IGF1R: variants seen among roughly 807,000 people sequenced by gnomAD.
IGF1R encodes insulin like growth factor 1 receptor, also known as insulin-like growth factor 1 receptor.
IGF1R carries 44 observed loss-of-function variants against 144.6 expected under a neutral mutation model. The ratio of observed to expected loss-of-function variants is 0.30; its 90% CI spans 0.24 to 0.39. The LOEUF (loss-of-function observed/expected upper bound fraction) is 0.39. Among genes scored for constraint, IGF1R ranks in the 10% least tolerant of loss-of-function variants. The probability of loss-of-function intolerance (pLI) is 1.00; values close to 1 mark genes in which losing one functional copy is unlikely to be tolerated. For synonymous variants in IGF1R, 795 were observed against 722.8 expected, an observed-to-expected ratio of 1.10 and a Z score of -1.60; for missense variants, 1,355 against 1,833.7, an observed-to-expected ratio of 0.74 and a Z score of 4.77.
intron 17 of IGF1R, among the ~76,000 whole-genome samples, chr15:98,938,003 G>A (rs1177434352): frequency 1.3e-5 from 2 of 152,198 alleles, no homozygotes; most frequent in African/African-American, 4.8e-5. Context: ...AGCCTGTTCA[G>A]AATTCAAAGG....
chr15:98,885,334 G>T (rs1453835839), intron 2 of IGF1R, among the ~76,000 whole-genome samples: 1 of 152,206 alleles, frequency 6.6e-6, no homozygotes, highest in Non-Finnish European at 1.5e-5. Context: ...GTGGACTTCT[G>T]TTCGGCCTGG....
chr15:98,819,333 C>G (rs994735464), intron 2 of IGF1R, among the ~76,000 whole-genome samples: 1 of 152,110 alleles, frequency 6.6e-6, no homozygotes, highest in Non-Finnish European at 1.5e-5. Flanking sequence ...TTATGTTGCC[C>G]CAGTAATCTA....
chr15:98,851,624 T>TG (rs2011532534), intron 2 of IGF1R, among the ~76,000 whole-genome samples: 1 of 152,136 alleles, frequency 6.6e-6, no homozygotes, highest in South Asian at 2.1e-4. Flanking sequence ...CTGCCCAATT[T>TG]GGGGAAGCAG....
At chr15:98,797,603 G>A (rs924560789) in intron 2 of IGF1R, among the ~76,000 whole-genome samples, 5 of 152,200 alleles carry the variant, frequency 3.3e-5, no homozygotes, top group African/African-American at 1.2e-4. Flanking sequence ...CACCTGCAGG[G>A]TATGTGTCAT....
At chr15:98,712,277 C>T (rs1047424424) in intron 2 of IGF1R, among the ~76,000 whole-genome samples, 2 of 152,176 alleles carry the variant, frequency 1.3e-5, no homozygotes, top group Non-Finnish European at 2.9e-5. Context: ...CCCTTTTGAA[C>T]CCAGGACTTG....
intron 2 of IGF1R, among the ~76,000 whole-genome samples, chr15:98,766,706 G>C (rs1376472757): frequency 6.6e-6 from 1 of 152,184 alleles, no homozygotes; most frequent in Non-Finnish European, 1.5e-5. Context: ...AGTTGATGCG[G>C]TAGTTGTGAG....
At chr15:98,946,296 C>T (rs557098060) in intron 19 of IGF1R, among the ~76,000 whole-genome samples, 4 of 152,042 alleles carry the variant, frequency 2.6e-5, no homozygotes, top group East Asian at 1.9e-4. Flanking sequence ...GAGGTTTCCT[C>T]GTGGGACTTA....
intron 1 of IGF1R, among the ~76,000 whole-genome samples, chr15:98,695,382 A>T (rs950446751): frequency 6.6e-6 from 1 of 152,142 alleles, no homozygotes; most frequent in African/African-American, 2.4e-5. Context: ...AGCATGCACG[A>T]TGTGTGTGAG....
chr15:98,932,357 C>T (rs1312278607), intron 15 of IGF1R, among the ~76,000 whole-genome samples: 1 of 152,200 alleles, frequency 6.6e-6, no homozygotes, highest in East Asian at 1.9e-4. Context: ...TTTCCCAAAG[C>T]TATAATCTGC....
chr15:98,737,138 G>A (rs952322516), intron 2 of IGF1R, among the ~76,000 whole-genome samples: 1 of 152,170 alleles, frequency 6.6e-6, no homozygotes. Context: ...ATGGCTTTTT[G>A]TGTGTGCACA....
At chr15:98,690,224 T>C (rs1026156937) in intron 1 of IGF1R, among the ~76,000 whole-genome samples, 4 of 152,118 alleles carry the variant, frequency 2.6e-5, no homozygotes, top group Admixed American at 6.5e-5. Context: ...GCACCTGTAG[T>C]CCCAGCTACT....
At chr15:98,907,729 C>T (rs117803307) in intron 5 of IGF1R, among the ~76,000 whole-genome samples, 173 of 152,370 alleles carry the variant, frequency 1.1e-3, no homozygotes, top group Non-Finnish European at 2.0e-3. Flanking sequence ...ACTTGTCCTG[C>T]CACCTGGGTA....
chr15:98,870,935 C>T (rs1026294518), intron 2 of IGF1R, among the ~76,000 whole-genome samples: 3 of 152,226 alleles, frequency 2.0e-5, no homozygotes, highest in Admixed American at 6.5e-5. Context: ...AGCAGTTGGT[C>T]TTAGATAGTG....
chr15:98,955,163 A>G (rs77574595), intron 20 of IGF1R, among the ~76,000 whole-genome samples: 2 of 152,102 alleles, frequency 1.3e-5, no homozygotes, highest in African/African-American at 4.8e-5. Flanking sequence ...TGAGGACTTC[A>G]GCAGTTCACA....
chr15:98,879,997 G>A (rs1452677306), intron 2 of IGF1R, among the ~76,000 whole-genome samples: 2 of 152,140 alleles, frequency 1.3e-5, no homozygotes, highest in Admixed American at 6.5e-5. Context: ...TGGCTAACGG[G>A]TATTGGGTTT....
intron 13 of IGF1R, among the ~76,000 whole-genome samples, chr15:98,926,098 A>G (rs2015707016): frequency 6.6e-6 from 1 of 152,230 alleles, no homozygotes; most frequent in Admixed American, 6.5e-5. Context: ...ATGGATAAAG[A>G]AAACCTGGTA....
At chr15:98,809,309 T>G (rs1052787250) in intron 2 of IGF1R, among the ~76,000 whole-genome samples, 1 of 152,162 alleles carries the variant, frequency 6.6e-6, no homozygotes, top group Non-Finnish European at 1.5e-5. Context: ...GATTCACTTT[T>G]CCCAAGGCAA....
intron 2 of IGF1R, among the ~76,000 whole-genome samples, chr15:98,827,630 G>A (rs530360912): frequency 8.5e-5 from 13 of 152,086 alleles, no homozygotes; most frequent in African/African-American, 2.9e-4. Context: ...GTTAACAATC[G>A]GAAGTGCAGT....
At chr15:98,702,017 T>C (rs1321265818) in intron 1 of IGF1R, among the ~76,000 whole-genome samples, 1 of 144,684 alleles carries the variant, frequency 6.9e-6, no homozygotes, top group Non-Finnish European at 1.5e-5. Flanking sequence ...CACTCTGGGC[T>C]CATGGGAGTC....
Sources: allele counts gnomAD v4.1 joint callset (sites outside exome capture counted in the v4.1 genomes callset), GRCh38; gene constraint gnomAD v4.1.1; transcripts MANE v1.5; gene names NCBI Gene and HGNC (gene_info 2026-07-23, HGNC 2026-07-21).